Variants in DIS3L observed in about 807,000 individuals in gnomAD.
DIS3L encodes DIS3-like exonuclease 1.
DIS3L carries 100 observed loss-of-function variants against 120.3 expected under a neutral mutation model. The observed-to-expected ratio is 0.83, with a 90% confidence interval of 0.71 to 0.98. DIS3L has a LOEUF of 0.98. Among genes scored for constraint, DIS3L ranks in the 50% least tolerant of loss-of-function variants. The pLI is 0.00. For synonymous variants in DIS3L, 426 were observed against 470.6 expected (o/e 0.91, Z 1.23); for missense variants, 1,196 against 1,314.2 (o/e 0.91, Z 1.39).
Position 66,329,352 on chromosome 15 carries a change from A to G in DIS3L, c.2488A>G (p.Asn830Asp). ...KMEIKGNLFS[N>D]KDLEELCRHI... ...GGAAATTAAGGGAAATCTGTTCAGC[A>G]ACAAAGATCTTGAGGAATTATGCAG... Residue 830 changes from asparagine (N) to aspartate (D), a missense_variant, in exon 14 of 17, where the codon AAC (asparagine) becomes GAC (aspartate). Transcript: ENST00000319212. 6.2e-7 allele frequency: 1 copy of G among 1,613,116 alleles called. No individual in the cohort carries two copies. The highest frequency in any genetic ancestry group is 8.5e-7 in the Non-Finnish European group (1 of 1,179,790).
intron 10 of DIS3L, 35 bp from the exon 11 acceptor site, chr15:66,323,458 T>C (rs774567251): frequency 6.2e-6 from 10 of 1,610,268 alleles, no homozygotes; most frequent in Non-Finnish European, 7.6e-6. Flanking sequence ...TTCTCCCTGC[T>C]AAAGGTCGCG....
intron 14 of DIS3L, chr15:66,330,134 C>T (rs1225242440): frequency 1.1e-6 from 1 of 917,136 alleles, no homozygotes; most frequent in Non-Finnish European, 1.3e-6. Context: ...AACCCCATCT[C>T]TACTAAAAAT....
In DIS3L at chr15:66,329,360, T is replaced by C; in HGVS notation, c.2496T>C (p.Asp832=). 1.2e-6 allele frequency: 2 copies of C among 1,612,494 alleles called. No homozygotes were observed. The highest frequency in any genetic ancestry group is 8.5e-7 in the Non-Finnish European group (1 of 1,179,680). ...EIKGNLFSNK[D]LEELCRHINN... ...AGGGAAATCTGTTCAGCAACAAAGA[T>C]CTTGAGGAATTATGCAGACATATCA... Residue 832 remains aspartate (D), a synonymous_variant, in exon 14 of 17, where the codon GAT becomes GAC. Transcript: ENST00000319212.
Position 66,322,747 on chromosome 15 carries a change from C to T in DIS3L, c.1387C>T (p.Gln463Ter). 4 of 1,614,034 alleles carry T rather than the reference C, an allele frequency of 2.5e-6. No homozygotes were observed. Among genetic ancestry groups the T allele is most frequent in the Non-Finnish European group, 3.4e-6 (4 of 1,180,008 alleles). ...SPWKVSPEEE[Q>*]KRKDLRKSHL... ...CTGGAAGGTGAGTCCTGAAGAGGAA[C>T]AAAAACGTAAAGACTTGAGGAAAAG... Residue 463 changes from glutamine to a stop codon, truncating the protein, a stop_gained, in exon 10 of 17, where the codon CAA becomes TAA. Coordinates refer to ENST00000319212, the MANE Select transcript of DIS3L (RefSeq NM_001143688.3). LOFTEE classifies it high-confidence loss of function.
At position 66,326,180 on chromosome 15, in the gene DIS3L, CA is replaced by C. The variant is rs971897195; in HGVS notation, c.2018del (p.Gln673ArgfsTer13). 1.2e-6 allele frequency: 2 copies of C among 1,614,092 alleles called. No homozygotes were observed. The highest frequency in any genetic ancestry group is 2.7e-5 in the African/African-American group (2 of 74,926). On this transcript the variant is annotated frameshift_variant, in exon 12 of 17. Transcript: ENST00000319212. LOFTEE classifies it high-confidence loss of function. The stretch of plus-strand genomic sequence containing the variant: ...GAACATTCACGACCTCATCCCCAAG[CA>C]GCCCCTGGAAGTCCACGAGACAGTG... ...KKNIHDLIPK[Q>X]PLEVHETVAE...
At chr15:66,329,647 T>A in intron 14 of DIS3L, 1 of 1,167,076 alleles carries the variant, frequency 8.6e-7, no homozygotes, top group East Asian at 4.8e-5. Context: ...CGCATAAAGA[T>A]ATGATGACAG....
intron 4 of DIS3L, among the ~76,000 whole-genome samples, chr15:66,309,097 A>ATATATATATATATATATATATC (rs1566942324): frequency 9.1e-6 from 1 of 109,796 alleles, no homozygotes; most frequent in African/African-American, 3.2e-5. Flanking sequence ...AAAAAAAAAT[A>ATATATATATATATATATATATC]TATATATCTC....
intron 1 of DIS3L, 156 bp downstream of exon 1, chr15:66,293,891 C>G (rs2092552863): frequency 4.0e-6 from 4 of 1,002,806 alleles, no homozygotes; most frequent in Non-Finnish European, 3.6e-6. Context: ...CCCCGGCTCT[C>G]TGCCGGTGGG....
At chr15:66,311,931 C>T (rs1300534411) in intron 5 of DIS3L, 31 bp downstream of exon 5, 7 of 1,609,984 alleles carry the variant, frequency 4.3e-6, no homozygotes, top group Non-Finnish European at 5.9e-6. Flanking sequence ...TGTGTCAGGG[C>T]TGGGCACAGT....
intron 11 of DIS3L, 65 bp downstream of exon 11, chr15:66,323,650 C>T (rs1017686089): frequency 7.8e-6 from 12 of 1,530,094 alleles, no homozygotes; most frequent in Admixed American, 3.3e-5. Flanking sequence ...ATGCTGCCTG[C>T]TTCTGGCCTC....
chr15:66,313,477 G>A (rs761792765), intron 5 of DIS3L, among the ~76,000 whole-genome samples: 3 of 152,054 alleles, frequency 2.0e-5, no homozygotes, highest in Admixed American at 6.6e-5. Context: ...TCTCATGCCT[G>A]TAATCCCAGC....
Position 66,323,544 on chromosome 15 carries a change from C to G in DIS3L, c.1626C>G (p.Val542=), listed in dbSNP as rs762611549. Residue 542 remains valine (V), a synonymous_variant, in exon 11 of 17, where the codon GTC becomes GTG. Transcript: ENST00000319212. ...ADRRYDMLPS[V]LSADLCSLLG... Reference sequence around the variant, plus strand: ...GTCGCTATGACATGCTGCCTTCCGTCCTCAGTGCAGATTTGTGTTCCCTTC... The same window carrying G: ...GTCGCTATGACATGCTGCCTTCCGTGCTCAGTGCAGATTTGTGTTCCCTTC... 6.2e-7 allele frequency: 1 copy of G among 1,614,260 alleles called. No homozygotes were observed. Among genetic ancestry groups the G allele is most frequent in the Non-Finnish European group, 8.5e-7 (1 of 1,180,048 alleles).
At chr15:66,325,116 G>A (rs1258147534) in intron 11 of DIS3L, among the ~76,000 whole-genome samples, 1 of 152,100 alleles carries the variant, frequency 6.6e-6, no homozygotes, top group Non-Finnish European at 1.5e-5. Flanking sequence ...GGACATGGCC[G>A]GGCACGGTGG....
chr15:66,324,460 A>G (rs761427802), intron 11 of DIS3L, among the ~76,000 whole-genome samples: 3 of 152,228 alleles, frequency 2.0e-5, no homozygotes, highest in Non-Finnish European at 2.9e-5. Flanking sequence ...GATGTAAGCC[A>G]CCATGCCCAG....
intron 2 of DIS3L, among the ~76,000 whole-genome samples, chr15:66,299,176 G>A (rs778304401): frequency 2.0e-5 from 3 of 152,206 alleles, no homozygotes; most frequent in Non-Finnish European, 4.4e-5. Flanking sequence ...TGCCTGGGTG[G>A]GATGGAAGGC....
intron 8 of DIS3L, among the ~76,000 whole-genome samples, chr15:66,320,145 AAT>A (rs2092865389): frequency 1.3e-5 from 2 of 151,926 alleles, no homozygotes; most frequent in Non-Finnish European, 2.9e-5. Context: ...AATAAAATAA[AAT>A]AGACTTCAAA....
At position 66,311,780 on chromosome 15, in the gene DIS3L, T is replaced by C. The variant is rs1322292279; in HGVS notation, c.615T>C (p.Ser205=). 1.2e-6 allele frequency: 2 copies of C among 1,614,192 alleles called. No homozygotes were observed. The highest frequency in any genetic ancestry group is 1.1e-5 in the South Asian group (1 of 91,084). Residue 205 remains serine, a synonymous_variant, in exon 5 of 17, where the codon TCT becomes TCC. Transcript: ENST00000319212. ...DLKAAHELCD[S]ILQSRREREN... ...AAGCTGCCCACGAGCTTTGTGATTC[T>C]ATCCTTCAGTCTCGACGGGAGAGAG...
chr15:66,295,134 G>A lies in DIS3L; in HGVS notation c.286G>A (p.Gly96Ser), dbSNP rs1324689025. ...TTGTCAAGCTGTGCAGCATCAAAGAGGCAGGAGGTATACGTTTTGCATTCT... is the reference window on the plus strand; with the variant it reads ...TTGTCAAGCTGTGCAGCATCAAAGAAGCAGGAGGTATACGTTTTGCATTCT... Reference protein sequence around the residue: ...TACQAVQHQRGRRQYNKLRNL... With the variant: ...TACQAVQHQRSRRQYNKLRNL... The change falls in exon 2 of 17, where the codon GGC becomes AGC. Residue 96 changes from glycine (G) to serine (S), a missense_variant. Gly to Ser is a moderately conservative substitution (Grantham distance 56). Transcript: ENST00000319212. 5.6e-6 allele frequency: 9 copies of A among 1,613,540 alleles called. No homozygotes were observed. The highest frequency in any genetic ancestry group is 6.8e-6 in the Non-Finnish European group (8 of 1,179,886).
intron 12 of DIS3L, among the ~76,000 whole-genome samples, chr15:66,328,455 C>T (rs553130003): frequency 5.5e-4 from 84 of 152,000 alleles, no homozygotes; most frequent in South Asian, 8.3e-4. Context: ...TTTGGGAGGC[C>T]GAGGCAGGAG....
Sources: allele counts gnomAD v4.1 joint callset (sites outside exome capture counted in the v4.1 genomes callset), GRCh38; gene constraint gnomAD v4.1.1; transcripts MANE v1.5; gene names NCBI Gene and HGNC (gene_info 2026-07-23, HGNC 2026-07-21).